ZC3H11A: variants seen among roughly 807,000 people sequenced by gnomAD.
ZC3H11A encodes the protein zinc finger CCCH domain-containing protein 11A.
Under a neutral mutation model 90.8 loss-of-function variants are expected in ZC3H11A, and 22 were observed. That is an observed-to-expected ratio of 0.24 (90% CI 0.17 to 0.35). The LOEUF (loss-of-function observed/expected upper bound fraction) is 0.35, where lower values mean the gene tolerates loss of function less well. Ranked by LOEUF, ZC3H11A falls within the 10% of genes least tolerant of loss-of-function variation. The pLI is 1.00. For synonymous variants in ZC3H11A, 294 were observed against 339.8 expected (o/e 0.87, Z 1.48); for missense variants, 701 against 964.9 (o/e 0.73, Z 3.62).
At position 203,830,216 on chromosome 1, in the gene ZC3H11A, G is replaced by A. The variant is rs1408986636; in HGVS notation, c.700+13G>A. 3.4e-5 allele frequency: 54 copies of A among 1,579,740 alleles called. No homozygotes were observed. The highest frequency in any genetic ancestry group is 2.2e-4 in the Admixed American group (11 of 51,154). ...AAGAAGCAAGGTGGTAAGTCATCAC[G>A]TTTTGGCATGGATAGTTGTATGTTG... On this transcript the variant is annotated intron_variant, in intron 8 of 17. Coordinates refer to ENST00000367210, the MANE Select transcript of ZC3H11A (RefSeq NM_001376342.1).
intron 4 of ZC3H11A, among the ~76,000 whole-genome samples, chr1:203,821,912 C>T (rs911331477): frequency 1.3e-5 from 2 of 152,038 alleles, no homozygotes; most frequent in Non-Finnish European, 2.9e-5. Flanking sequence ...TGCCCGCCAC[C>T]ACGCCCGGCT....
rs894709006 is a variant in ZC3H11A at position 203,799,967 on chromosome 1, A to G, written c.-1587-1608A>G. 40 of 1,536,056 alleles carry G rather than the reference A, an allele frequency of 2.6e-5. No individual in the cohort carries two copies. The Admixed American group carries it at 3.5e-4, about 14-fold the overall frequency. ...CAGAGATCTGCCAAATTCCAACTTC[A>G]GAAGCTTCTTGTCCCTCAGTTACAG... On this transcript the variant is annotated intron_variant, in intron 1 of 17. Coordinates refer to ENST00000367210, the MANE Select transcript of ZC3H11A (RefSeq NM_001376342.1).
chr1:203,815,878 T>G (rs1170094726), intron 2 of ZC3H11A, among the ~76,000 whole-genome samples: 1 of 152,216 alleles, frequency 6.6e-6, no homozygotes, highest in African/African-American at 2.4e-5. Context: ...GTTATATGCT[T>G]TTGTAGAAGC....
intron 4 of ZC3H11A, among the ~76,000 whole-genome samples, chr1:203,827,261 C>T (rs1416062884): frequency 6.6e-6 from 1 of 151,896 alleles, no homozygotes; most frequent in African/African-American, 2.4e-5. Flanking sequence ...ATTGCTTATA[C>T]ACAGCTGTTG....
chr1:203,797,934 T>C (rs1394115239), intron 1 of ZC3H11A: 1 of 1,536,108 alleles, frequency 6.5e-7, no homozygotes, highest in South Asian at 1.2e-5. Context: ...TGTGTGGCAC[T>C]TCTTTCATGT....
intron 12 of ZC3H11A, among the ~76,000 whole-genome samples, chr1:203,843,586 G>A (rs1378120972): frequency 6.6e-6 from 1 of 152,112 alleles, no homozygotes; most frequent in Non-Finnish European, 1.5e-5. Flanking sequence ...ACCCCACTCT[G>A]CCATTGTAGA....
At chr1:203,797,412 C>G in intron 1 of ZC3H11A, 2 of 1,072,442 alleles carry the variant, frequency 1.9e-6, no homozygotes. Flanking sequence ...AATTTGATTC[C>G]CCATAGAAAC....
intron 12 of ZC3H11A, among the ~76,000 whole-genome samples, chr1:203,841,868 T>C (rs1686374718): frequency 6.8e-6 from 1 of 146,328 alleles, no homozygotes; most frequent in Non-Finnish European, 1.5e-5. Flanking sequence ...GCGGAGGGGC[T>C]CCTCACTTCT....
rs181387867 is a variant in ZC3H11A, at chr1:203,827,403, G to A, written c.175-896G>A. On this transcript the variant is annotated intron_variant, in intron 4 of 17. Transcript: ENST00000367210. ...CTTTATAAAAGTAAGGTGACTGGCC[G>A]GGTGCGGTGGCTCACACCTGTAATC... is the stretch of plus-strand genomic sequence containing the variant. 6.8e-4 allele frequency among the ~76,000 whole-genome samples: 102 copies of A among 150,416 alleles called. 3 individuals carry two copies. The East Asian group carries it at 0.018, about 27-fold the overall frequency.
At chr1:203,850,466 T>C in intron 15 of ZC3H11A, 49 bp from the exon 16 acceptor site, 3 of 1,603,446 alleles carry the variant, frequency 1.9e-6, no homozygotes, top group Non-Finnish European at 2.6e-6. Flanking sequence ...ATTCCCCATT[T>C]AAAAGAGTCT....
chr1:203,804,193 C>A (rs1207969034), intron 2 of ZC3H11A, among the ~76,000 whole-genome samples: 1 of 148,638 alleles, frequency 6.7e-6, no homozygotes, highest in Non-Finnish European at 1.5e-5. Flanking sequence ...GCTCTGTCGC[C>A]CAGGCTGGAG....
At chr1:203,810,435 T>C (rs193078659) in intron 2 of ZC3H11A, among the ~76,000 whole-genome samples, 1 of 151,582 alleles carries the variant, frequency 6.6e-6, no homozygotes, top group South Asian at 2.1e-4. Context: ...TTTTTTTTTT[T>C]TTGAGACAGA....
At chr1:203,808,234 A>G (rs1673045064) in intron 2 of ZC3H11A, among the ~76,000 whole-genome samples, 1 of 148,460 alleles carries the variant, frequency 6.7e-6, no homozygotes, top group Non-Finnish European at 1.5e-5. Flanking sequence ...CTTAAAGGTC[A>G]TAATCTCCTT....
chr1:203,803,627 A>G (rs1485129194), intron 2 of ZC3H11A, among the ~76,000 whole-genome samples: 1 of 152,186 alleles, frequency 6.6e-6, no homozygotes, highest in Admixed American at 6.5e-5. Flanking sequence ...GTTTTGAAAC[A>G]GGGTCTTGTG....
At chr1:203,832,987 A>G (rs1192701044) in intron 9 of ZC3H11A, among the ~76,000 whole-genome samples, 1 of 152,136 alleles carries the variant, frequency 6.6e-6, no homozygotes, top group Non-Finnish European at 1.5e-5. Context: ...TAATCCCAGC[A>G]CTTTGGGAGG....
chr1:203,846,233 A>G (rs1318451109), intron 12 of ZC3H11A, among the ~76,000 whole-genome samples: 1 of 147,780 alleles, frequency 6.8e-6, no homozygotes, highest in Non-Finnish European at 1.5e-5. Flanking sequence ...ATTATCATTT[A>G]TTTCATAGCA....
At chr1:203,830,069 A>C in intron 7 of ZC3H11A, 54 bp from the exon 8 acceptor site, 1 of 1,453,828 alleles carries the variant, frequency 6.9e-7, no homozygotes, top group Non-Finnish European at 9.5e-7. Context: ...TACAGATAAA[A>C]TACAAAGATG....
At chr1:203,828,905 C>T (rs921552180) in intron 5 of ZC3H11A, among the ~76,000 whole-genome samples, 3 of 152,310 alleles carry the variant, frequency 2.0e-5, no homozygotes, top group African/African-American at 7.2e-5. Context: ...GCCAACCCTA[C>T]TCTAGACTAT....
At chr1:203,800,170 A>C in intron 1 of ZC3H11A, 1 of 1,532,246 alleles carries the variant, frequency 6.5e-7, no homozygotes, top group Non-Finnish European at 8.7e-7. Context: ...GGAGGTGATG[A>C]CCCTTTAATT....
Sources: allele counts gnomAD v4.1 joint callset (sites outside exome capture counted in the v4.1 genomes callset), GRCh38; gene constraint gnomAD v4.1.1; transcripts MANE v1.5; gene names NCBI Gene and HGNC (gene_info 2026-07-23, HGNC 2026-07-21).